Variants in QSER1 observed in about 807,000 individuals in gnomAD.
The protein encoded by QSER1 is glutamine and serine-rich protein 1.
In QSER1, 49 loss-of-function variants were observed where a neutral mutation model predicts 158.5. The ratio of observed to expected loss-of-function variants is 0.31; its 90% confidence interval spans 0.25 to 0.39. The LOEUF is 0.39. Ranked by LOEUF, QSER1 falls within the 10% of genes least tolerant of loss-of-function variation. The pLI is 1.00. For synonymous variants in QSER1, 650 were observed against 715.5 expected (o/e 0.91, Z 1.46); for missense variants, 1,754 against 2,010.3 (o/e 0.87, Z 2.44).
Position 32,933,353 on chromosome 11 carries a change from C to T in QSER1, c.2095C>T (p.Gln699Ter), listed in dbSNP as rs753531349. ...AGATGGTTTTCCAATGCAAGAGTTACAGGTGTTGCAGCCACAAGCATCTCT... is the reference window on the plus strand; with the variant it reads ...AGATGGTTTTCCAATGCAAGAGTTATAGGTGTTGCAGCCACAAGCATCTCT... ...QEDGFPMQEL[Q>*]VLQPQASLES... The change falls in exon 4 of 13, where the codon CAG becomes TAG. Residue 699 changes from glutamine to a stop codon, truncating the protein, a stop_gained. Transcript: ENST00000650167. LOFTEE classifies it high-confidence loss of function. 6.2e-7 allele frequency: 1 copy of T among 1,612,820 alleles called. No homozygotes were observed. The highest frequency in any genetic ancestry group is 1.3e-5 in the African/African-American group (1 of 74,864).
At chr11:32,912,245 C>T (rs1851776163) in intron 1 of QSER1, among the ~76,000 whole-genome samples, 1 of 152,122 alleles carries the variant, frequency 6.6e-6, no homozygotes, top group Admixed American at 6.5e-5. Context: ...AAATTGAAAC[C>T]GTCCATGTTT....
chr11:32,929,662 T>C (rs1393216408), intron 3 of QSER1, among the ~76,000 whole-genome samples: 1 of 152,106 alleles, frequency 6.6e-6, no homozygotes, highest in Admixed American at 6.5e-5. Context: ...ACACCATTAG[T>C]TGGAAGAAGG....
intron 1 of QSER1, among the ~76,000 whole-genome samples, chr11:32,898,686 A>C (rs1851588378): frequency 6.6e-6 from 1 of 152,160 alleles, no homozygotes; most frequent in South Asian, 2.1e-4. Flanking sequence ...TCCTGGGCTC[A>C]GGTGATCCTC....
At position 32,926,073 on chromosome 11, in the gene QSER1, A is replaced by T. The variant is rs550711688; in HGVS notation, c.210-1084A>T. 6.6e-5 allele frequency: 10 copies of T among 152,200 alleles called. 1 individual carries two copies. In the South Asian group the frequency reaches 8.3e-4, roughly 13 times the overall value. 9.4% of individuals were successfully genotyped at this position (152,200 alleles called of 1,614,324 possible). On this transcript the variant is annotated intron_variant, in intron 1 of 12. Transcript: ENST00000650167. Reference sequence around the variant, plus strand: ...CAGCTGCTGCACTCTAGCTTGGGTGACAGAGACCCTGTCTTCTTAAGACAA... The same window carrying T: ...CAGCTGCTGCACTCTAGCTTGGGTGTCAGAGACCCTGTCTTCTTAAGACAA...
intron 1 of QSER1, among the ~76,000 whole-genome samples, chr11:32,919,349 C>T (rs892430415): frequency 2.0e-5 from 3 of 152,214 alleles, no homozygotes; most frequent in Non-Finnish European, 2.9e-5. Flanking sequence ...TCAAGCACTT[C>T]TCTGGCCTCA....
In QSER1 at chr11:32,955,253, T is replaced by C. The variant is rs1002846028; in HGVS notation, c.4501-43T>C. The C allele has an allele frequency of 4.7e-6, 5 of 1,058,614 alleles. No individual in the cohort carries two copies. In the African/African-American group the frequency reaches 4.9e-5, roughly 10 times the overall value. The allele number at this position is 1,058,614 out of a possible 1,614,324, so 65.6% of individuals were successfully genotyped here. ...CTCTAATATTCTAAGATCTAAAATATGTTGCTGTGTTTTGTAAGTATCATT... is the reference window on the plus strand; with the variant it reads ...CTCTAATATTCTAAGATCTAAAATACGTTGCTGTGTTTTGTAAGTATCATT... On this transcript the variant is annotated intron_variant, in intron 5 of 12. Coordinates refer to ENST00000650167, the MANE Select transcript of QSER1 (RefSeq NM_001076786.3).
intron 1 of QSER1, among the ~76,000 whole-genome samples, chr11:32,924,802 T>G (rs1052322653): frequency 6.6e-6 from 1 of 152,188 alleles, no homozygotes; most frequent in African/African-American, 2.4e-5. Flanking sequence ...AGCATGATGC[T>G]GAAGTTTGGA....
chr11:32,910,606 C>T (rs1040601203), intron 1 of QSER1, among the ~76,000 whole-genome samples: 21 of 152,138 alleles, frequency 1.4e-4, no homozygotes, highest in African/African-American at 5.1e-4. Context: ...TGCATATACT[C>T]AGTAAAGACA....
intron 1 of QSER1, among the ~76,000 whole-genome samples, chr11:32,923,989 G>A (rs1851933886): frequency 6.6e-6 from 1 of 152,050 alleles, no homozygotes. Flanking sequence ...CCTAGAAAAG[G>A]TGAATTCTAC....
chr11:32,898,416 G>C (rs773716479), intron 1 of QSER1, among the ~76,000 whole-genome samples: 31 of 151,944 alleles, frequency 2.0e-4, no homozygotes, highest in Non-Finnish European at 3.8e-4. Context: ...AGCCTGGGAG[G>C]TGGAGGTTGC....
chr11:32,963,867 A>C (rs1002235902), intron 8 of QSER1, among the ~76,000 whole-genome samples: 1 of 151,570 alleles, frequency 6.6e-6, no homozygotes, highest in Middle Eastern at 3.5e-3. Context: ...GGGTCTTACT[A>C]TGTTGCCCAA....
chr11:32,948,469 CA>C (rs541115479), intron 4 of QSER1, among the ~76,000 whole-genome samples: 1 of 151,820 alleles, frequency 6.6e-6, no homozygotes, highest in Non-Finnish European at 1.5e-5. Context: ...CTACAAAAAA[CA>C]AAAAAACAGT....
intron 1 of QSER1, among the ~76,000 whole-genome samples, chr11:32,897,662 TC>T (rs1851572512): frequency 6.6e-6 from 1 of 152,246 alleles, no homozygotes. Flanking sequence ...CGGACTCACA[TC>T]CACGTCCATG....
In QSER1 at chr11:32,976,573, C is replaced by T. The variant is rs963921824; in HGVS notation, c.*99C>T. 11 of 1,306,778 alleles carry T rather than the reference C, an allele frequency of 8.4e-6. No homozygotes were observed. Among genetic ancestry groups the T allele is most frequent in the Middle Eastern group, 2.1e-4 (1 of 4,856 alleles). 80.9% of individuals were successfully genotyped at this position (1,306,778 alleles called of 1,614,324 possible). ...TGTCAAGTAGTGGCCTTCTGCAGGC[C>T]GGCCGCTTCCATCATGGAACTGTCA... On this transcript the variant is annotated 3_prime_UTR_variant, in exon 13 of 13. Coordinates refer to ENST00000650167, the MANE Select transcript of QSER1 (RefSeq NM_001076786.3).
rs965982370 is a variant in QSER1, at chr11:32,979,680, C to T, written c.*3206C>T. On this transcript the variant is annotated 3_prime_UTR_variant, in exon 13 of 13. Coordinates refer to ENST00000650167, the MANE Select transcript of QSER1 (RefSeq NM_001076786.3). ...TTGAAAATATGTAGATGGACTCATG[C>T]ATTAAGACTGTTTTCAAAGCTTTCC... is the stretch of plus-strand genomic sequence containing the variant. The T allele has an allele frequency of 2.0e-4, 31 of 152,250 alleles. No homozygotes were observed. Among genetic ancestry groups the T allele is most frequent in the Admixed American group, 7.9e-4 (12 of 15,280 alleles). 9.4% of individuals were successfully genotyped at this position (152,250 alleles called of 1,614,324 possible).
intron 4 of QSER1, among the ~76,000 whole-genome samples, chr11:32,941,124 T>G (rs879119378): frequency 3.3e-5 from 5 of 151,786 alleles, no homozygotes; most frequent in Admixed American, 3.3e-4. Flanking sequence ...TCGAACTGGC[T>G]TATTATTTCA....
intron 1 of QSER1, among the ~76,000 whole-genome samples, chr11:32,914,747 A>G (rs1641915536): frequency 6.6e-6 from 1 of 152,222 alleles, no homozygotes; most frequent in African/African-American, 2.4e-5. Flanking sequence ...ACAGTCATAT[A>G]CCATCTTCAC....
intron 5 of QSER1, among the ~76,000 whole-genome samples, 156 bp downstream of exon 5, chr11:32,954,335 C>G (rs534405204): frequency 6.6e-6 from 1 of 152,234 alleles, no homozygotes; most frequent in Non-Finnish European, 1.5e-5. Context: ...GAGTAGATGT[C>G]AGATATCATT....
At chr11:32,953,803 A>G in intron 4 of QSER1, 54 bp from the exon 5 acceptor site, 1 of 1,536,536 alleles carries the variant, frequency 6.5e-7, no homozygotes, top group Non-Finnish European at 8.7e-7. Flanking sequence ...TTTACACAAA[A>G]CAAGTGTTTA....
Sources: allele counts gnomAD v4.1 joint callset (sites outside exome capture counted in the v4.1 genomes callset), GRCh38; gene constraint gnomAD v4.1.1; transcripts MANE v1.5; gene names NCBI Gene and HGNC (gene_info 2026-07-23, HGNC 2026-07-21).